PAX7: variants seen among roughly 807,000 people sequenced by gnomAD.
PAX7 encodes paired box 7.
A neutral mutation model predicts 50.7 loss-of-function variants in PAX7; 18 were observed. That is an observed-to-expected ratio of 0.36 (90% CI 0.25 to 0.53). The LOEUF is 0.53. Among genes scored for constraint, PAX7 ranks in the 20% least tolerant of loss-of-function variants. The pLI is 0.93. For missense variants in PAX7, 644 were observed against 702.9 expected (o/e 0.92, Z 0.95); for synonymous variants, 310 against 290.4 (o/e 1.07, Z -0.69).
chr1:18,711,946 C>A (rs918998050), intron 7 of PAX7, among the ~76,000 whole-genome samples: 2 of 152,166 alleles, frequency 1.3e-5, no homozygotes, highest in East Asian at 3.9e-4. Context: ...GCTCCCCTGC[C>A]CCACCCAAAC....
intron 7 of PAX7, among the ~76,000 whole-genome samples, chr1:18,719,007 C>T (rs537939014): frequency 1.6e-4 from 25 of 152,236 alleles, no homozygotes; most frequent in African/African-American, 5.8e-4. Context: ...GATCCCCCTC[C>T]CCAGCAATCT....
intron 7 of PAX7, among the ~76,000 whole-genome samples, chr1:18,706,527 T>C (rs528328308): frequency 1.5e-4 from 22 of 149,468 alleles, no homozygotes; most frequent in African/African-American, 5.2e-4. Context: ...AGTGGCGCGA[T>C]CTTGGCTGAT....
intron 4 of PAX7, among the ~76,000 whole-genome samples, chr1:18,640,854 G>A (rs898403972): frequency 6.9e-6 from 1 of 145,406 alleles, no homozygotes; most frequent in East Asian, 2.3e-4. Context: ...GGCTGGGGGG[G>A]ATGGGGCGAG....
intron 7 of PAX7, among the ~76,000 whole-genome samples, chr1:18,733,504 T>A (rs1192047388): frequency 6.6e-6 from 1 of 152,028 alleles, no homozygotes; most frequent in East Asian, 1.9e-4. Flanking sequence ...CCCAGCTGTG[T>A]GGAGATGAAG....
intron 4 of PAX7, among the ~76,000 whole-genome samples, chr1:18,675,434 A>G (rs897745975): frequency 6.6e-6 from 1 of 152,234 alleles, no homozygotes; most frequent in Non-Finnish European, 1.5e-5. Context: ...GTGAAGGAAC[A>G]GAGGCTCAGA....
At chr1:18,685,908 T>A (rs1323808622) in intron 4 of PAX7, among the ~76,000 whole-genome samples, 3 of 151,478 alleles carry the variant, frequency 2.0e-5, no homozygotes, top group Non-Finnish European at 4.4e-5. Context: ...TCCATCACCA[T>A]CACCATCACC....
chr1:18,721,478 C>T (rs1557550928), intron 7 of PAX7, among the ~76,000 whole-genome samples: 1 of 152,220 alleles, frequency 6.6e-6, no homozygotes, highest in Non-Finnish European at 1.5e-5. Flanking sequence ...CAGACCCCTC[C>T]TCAAAGACAC....
chr1:18,697,331 G>A (rs558101539), intron 5 of PAX7, among the ~76,000 whole-genome samples: 12 of 152,304 alleles, frequency 7.9e-5, no homozygotes, highest in South Asian at 4.1e-4. Context: ...CTTTTAGAGC[G>A]TTTATTTCCC....
At chr1:18,739,364 G>A (rs140010059) in intron 8 of PAX7, among the ~76,000 whole-genome samples, 1 of 152,204 alleles carries the variant, frequency 6.6e-6, no homozygotes, top group African/African-American at 2.4e-5. Context: ...AGACACACAC[G>A]CAGAGAGAGG....
intron 7 of PAX7, among the ~76,000 whole-genome samples, chr1:18,731,706 G>A (rs1013440320): frequency 6.6e-6 from 1 of 152,138 alleles, no homozygotes; most frequent in African/African-American, 2.4e-5. Flanking sequence ...CAGACCCCCA[G>A]GGGCTCTGGG....
rs957716536 is a variant in PAX7, at chr1:18,667,537, GC to G, written c.587-24216del. Among the ~76,000 whole-genome samples, 31 of 152,112 alleles carry G rather than the reference GC, an allele frequency of 2.0e-4. 1 individual carries two copies. Among genetic ancestry groups the G allele is most frequent in the African/African-American group, 5.3e-4 (22 of 41,410 alleles). ...AGCCAGATTCTCATAAAACTACGGA[GC>G]GCCAGGAGGACAAATCACAGAAGGT... On this transcript the variant is annotated intron_variant, in intron 4 of 8. Transcript: ENST00000420770.
At chr1:18,691,510 G>A (rs1236294788) in intron 4 of PAX7, among the ~76,000 whole-genome samples, 1 of 152,202 alleles carries the variant, frequency 6.6e-6, no homozygotes, top group African/African-American at 2.4e-5. Context: ...TAAAGGGAAA[G>A]GTTTTACAAG....
At position 18,691,907 on chromosome 1, in the gene PAX7, G is replaced by A. The variant is rs373331822; in HGVS notation, c.740G>A (p.Arg247His). 2.5e-6 allele frequency: 4 copies of A among 1,613,994 alleles called. No homozygotes were observed. Among genetic ancestry groups the A allele is most frequent in the Non-Finnish European group, 3.4e-6 (4 of 1,179,986 alleles). ...ACCCACTACCCAGACATATACACCC[G>A]CGAGGAGCTGGCGCAGAGGACCAAG... ...ERTHYPDIYT[R>H]EELAQRTKLT... The change falls in exon 5 of 9, where the codon CGC becomes CAC. Residue 247 changes from arginine to histidine, a missense_variant. Arg to His is a conservative substitution (Grantham distance 29). Coordinates refer to ENST00000420770, the MANE Select transcript of PAX7 (RefSeq NM_001135254.2).
At chr1:18,731,893 G>A (rs578140013) in intron 7 of PAX7, among the ~76,000 whole-genome samples, 6 of 152,262 alleles carry the variant, frequency 3.9e-5, no homozygotes, top group East Asian at 1.9e-4. Context: ...TTGAGCCACC[G>A]GGCACCACCC....
At chr1:18,728,324 G>C (rs1234946476) in intron 7 of PAX7, among the ~76,000 whole-genome samples, 1 of 151,972 alleles carries the variant, frequency 6.6e-6, no homozygotes, top group Non-Finnish European at 1.5e-5. Context: ...CTGTCTGTTC[G>C]TGTTGGCGTG....
intron 7 of PAX7, among the ~76,000 whole-genome samples, chr1:18,725,577 T>C (rs1195229329): frequency 1.3e-5 from 2 of 152,202 alleles, no homozygotes; most frequent in East Asian, 3.8e-4. Flanking sequence ...GGATCTTTCA[T>C]GCTTAGTAAG....
At chr1:18,718,969 G>C (rs756041154) in intron 7 of PAX7, among the ~76,000 whole-genome samples, 3 of 152,130 alleles carry the variant, frequency 2.0e-5, no homozygotes, top group Non-Finnish European at 2.9e-5. Context: ...AAACAGGTTG[G>C]GGGGAGTGTC....
chr1:18,721,441 C>T (rs2089492915), intron 7 of PAX7, among the ~76,000 whole-genome samples: 1 of 152,240 alleles, frequency 6.6e-6, no homozygotes, highest in Admixed American at 6.5e-5. Flanking sequence ...TCTCCCTCGA[C>T]CCCCTCCAGC....
At position 18,631,645 on chromosome 1, in the gene PAX7, G is replaced by A. The variant is rs771388741; in HGVS notation, c.42G>A (p.Pro14=). 2.5e-6 allele frequency: 4 copies of A among 1,613,236 alleles called. No individual in the cohort carries two copies. Residue 14 remains proline, a synonymous_variant, in exon 1 of 9, where the codon CCG becomes CCA. Transcript: ENST00000420770. ...LPGTVPRMMR[P]APGQNYPRTG... is the part of the protein sequence containing the mutation. The stretch of plus-strand genomic sequence containing the variant: ...GCACGGTACCGAGAATGATGCGGCC[G>A]GCTCCGGGGCAGAACTACCCCCGCA...
Sources: allele counts gnomAD v4.1 joint callset (sites outside exome capture counted in the v4.1 genomes callset), GRCh38; gene constraint gnomAD v4.1.1; transcripts MANE v1.5; gene names NCBI Gene and HGNC (gene_info 2026-07-23, HGNC 2026-07-21).